VAT1L: variants seen among roughly 807,000 people sequenced by gnomAD.
The protein encoded by VAT1L is putative NADPH-dependent quinone oxidoreductase VAT1L.
VAT1L carries 34 observed loss-of-function variants against 44.1 expected under a neutral mutation model. The observed-to-expected ratio is 0.77, with a 90% confidence interval of 0.59 to 1.03. The LOEUF is 1.03. VAT1L is among the 50% of genes least tolerant of loss of function. The probability of loss-of-function intolerance (pLI) is 0.00; values close to 1 mark genes in which losing one functional copy is unlikely to be tolerated. For synonymous variants in VAT1L, 253 were observed against 202.2 expected, an observed-to-expected ratio of 1.25 and a Z score of -2.13; for missense variants, 615 against 538.8, an observed-to-expected ratio of 1.14 and a Z score of -1.40.
At chr16:77,972,441 T>C (rs1224016630) in intron 8 of VAT1L, among the ~76,000 whole-genome samples, 1 of 152,130 alleles carries the variant, frequency 6.6e-6, no homozygotes, top group Non-Finnish European at 1.5e-5. Flanking sequence ...CCTCAGCCTC[T>C]TGAGCAGCTG....
chr16:77,823,110 G>A (rs1253179805), intron 2 of VAT1L, among the ~76,000 whole-genome samples: 3 of 151,974 alleles, frequency 2.0e-5, no homozygotes, highest in African/African-American at 7.3e-5. Flanking sequence ...CACTGAGGCT[G>A]AAGCAGCTCT....
At chr16:77,891,631 A>G in intron 7 of VAT1L, among the ~76,000 whole-genome samples, 1 of 152,192 alleles carries the variant, frequency 6.6e-6, no homozygotes. Flanking sequence ...GTTAATGACT[A>G]TGGTTTAATT....
intron 7 of VAT1L, among the ~76,000 whole-genome samples, chr16:77,898,229 C>T (rs1264531380): frequency 6.6e-6 from 1 of 152,156 alleles, no homozygotes; most frequent in East Asian, 1.9e-4. Context: ...AGTATAATCT[C>T]ATCTTAACTA....
chr16:77,971,795 T>C, intron 7 of VAT1L, 55 bp from the exon 8 acceptor site: 1 of 1,567,388 alleles, frequency 6.4e-7, no homozygotes, highest in East Asian at 2.3e-5. Flanking sequence ...GCCCCCTTTT[T>C]AACTGGGGAA....
At chr16:77,897,327 A>T (rs2017334723) in intron 7 of VAT1L, among the ~76,000 whole-genome samples, 1 of 152,206 alleles carries the variant, frequency 6.6e-6, no homozygotes, top group Admixed American at 6.5e-5. Flanking sequence ...CATAGGATTT[A>T]TGATTATTGT....
rs140238309 is a variant in VAT1L at position 77,977,514 on chromosome 16, C to T, written c.1162-83C>T. 2.4e-4 allele frequency: 339 copies of T among 1,401,064 alleles called. 2 individuals carry two copies. The East Asian group carries it at 6.4e-3, about 27-fold the overall frequency. The allele number at this position is 1,401,064 out of a possible 1,614,324, so 86.8% of individuals were successfully genotyped here. On this transcript the variant is annotated intron_variant, in intron 8 of 8. Transcript: ENST00000302536. The stretch of plus-strand genomic sequence containing the variant: ...CCCTAGTTCCTAGCCCCCAAGAAGT[C>T]CTCCCATAGGACTCTGTCAGATGCT...
intron 4 of VAT1L, 117 bp from the exon 5 acceptor site, chr16:77,876,253 G>A (rs2017085886): frequency 2.4e-6 from 2 of 850,936 alleles, no homozygotes; most frequent in Non-Finnish European, 3.9e-6. Flanking sequence ...TGCTACTCCT[G>A]GAGCTTTCAG....
intron 7 of VAT1L, among the ~76,000 whole-genome samples, chr16:77,951,268 G>A (rs975816458): frequency 2.6e-5 from 4 of 152,182 alleles, no homozygotes; most frequent in Admixed American, 6.5e-5. Flanking sequence ...CTCAAGGTCC[G>A]GGTGTAGTGG....
At chr16:77,923,977 G>A (rs1472589100) in intron 7 of VAT1L, among the ~76,000 whole-genome samples, 1 of 151,188 alleles carries the variant, frequency 6.6e-6, no homozygotes, top group Non-Finnish European at 1.5e-5. Context: ...CAGTAAAGAT[G>A]AGGAAATCTA....
chr16:77,894,476 C>T (rs1449026255), intron 7 of VAT1L, among the ~76,000 whole-genome samples: 2 of 152,102 alleles, frequency 1.3e-5, no homozygotes, highest in African/African-American at 4.8e-5. Flanking sequence ...AGGACAAACG[C>T]CCGGAACCCA....
chr16:77,943,410 C>G (rs151238443), intron 7 of VAT1L, among the ~76,000 whole-genome samples: 2 of 136,250 alleles, frequency 1.5e-5, no homozygotes, highest in South Asian at 4.8e-4. Flanking sequence ...GACAGAGTCT[C>G]GCTCTGTCTC....
chr16:77,795,200 C>G (rs754179287), intron 1 of VAT1L, among the ~76,000 whole-genome samples: 2 of 151,252 alleles, frequency 1.3e-5, no homozygotes, highest in African/African-American at 2.4e-5. Context: ...TCCCATTTTT[C>G]CATTCTGCTG....
Position 77,879,354 on chromosome 16 carries a change from G to A in VAT1L, c.882+130G>A, listed in dbSNP as rs1402278073. ...TCACCAGGCTGGAGTGCAATGGCACGATCTCGGCTCATGGCAACCTCCGAC... is the reference window on the plus strand; with the variant it reads ...TCACCAGGCTGGAGTGCAATGGCACAATCTCGGCTCATGGCAACCTCCGAC... On this transcript the variant is annotated intron_variant, in intron 6 of 8. Coordinates refer to ENST00000302536, the MANE Select transcript of VAT1L (RefSeq NM_020927.3). This position sits in a 1 kb window ranked among gnomAD's most constrained non-coding sequence, Gnocchi z 4.1. 9.3e-6 allele frequency: 9 copies of A among 968,966 alleles called. No homozygotes were observed. Among genetic ancestry groups the A allele is most frequent in the African/African-American group, 3.3e-5 (2 of 61,410 alleles). 60.0% of individuals were successfully genotyped at this position (968,966 alleles called of 1,614,324 possible).
intron 7 of VAT1L, among the ~76,000 whole-genome samples, chr16:77,921,289 T>C (rs922418831): frequency 2.0e-4 from 30 of 152,350 alleles, no homozygotes; most frequent in African/African-American, 6.7e-4. Context: ...GAATTGCTTT[T>C]ACTGAACAAT....
intron 7 of VAT1L, among the ~76,000 whole-genome samples, chr16:77,934,864 G>A (rs1002875820): frequency 6.6e-6 from 1 of 152,174 alleles, no homozygotes; most frequent in Non-Finnish European, 1.5e-5. Context: ...GGAGACATGA[G>A]GATGAGTAAG....
chr16:77,897,426 T>A (rs2017335854), intron 7 of VAT1L, among the ~76,000 whole-genome samples: 2 of 152,138 alleles, frequency 1.3e-5, no homozygotes. Flanking sequence ...CAGAAGCAGG[T>A]CTGATTGGAT....
intron 7 of VAT1L, among the ~76,000 whole-genome samples, chr16:77,945,608 T>C (rs1300530632): frequency 2.6e-5 from 4 of 151,764 alleles, no homozygotes; most frequent in African/African-American, 9.7e-5. Flanking sequence ...TTTCAATTGT[T>C]ATTTTCTCCT....
intron 4 of VAT1L, among the ~76,000 whole-genome samples, chr16:77,867,136 G>T (rs1208595041): frequency 6.6e-6 from 1 of 152,174 alleles, no homozygotes; most frequent in African/African-American, 2.4e-5. Context: ...TAAGGAAATT[G>T]AGAGGTAGGA....
At chr16:77,808,590 C>CTGTTTT (rs1466214734) in intron 1 of VAT1L, among the ~76,000 whole-genome samples, 1 of 151,896 alleles carries the variant, frequency 6.6e-6, no homozygotes, top group Non-Finnish European at 1.5e-5. Flanking sequence ...AGTTTTGTTT[C>CTGTTTT]TGTTTTTGTT....
Sources: gnomAD v4.1 joint callset for allele counts (sites outside exome capture counted in the v4.1 genomes callset) on GRCh38, gnomAD v4.1.1 for gene constraint, Gnocchi (gnomAD v3.1) non-coding constraint, MANE v1.5 for transcripts, NCBI Gene and HGNC (gene_info 2026-07-23, HGNC 2026-07-21) for gene names.